Variants in VPS50 observed in about 807,000 individuals in gnomAD.
The protein encoded by VPS50 is syndetin.
In VPS50, 70 loss-of-function variants were observed where a neutral mutation model predicts 139.7. The ratio of observed to expected loss-of-function variants is 0.50; its 90% confidence interval spans 0.41 to 0.61. The LOEUF is 0.61. Among genes scored for constraint, VPS50 ranks in the 20% least tolerant of loss-of-function variants. VPS50 has a pLI of 0.00. For synonymous variants in VPS50, 365 were observed against 376.7 expected, an observed-to-expected ratio of 0.97 and a Z score of 0.36; for missense variants, 921 against 1,133.7, an observed-to-expected ratio of 0.81 and a Z score of 2.69.
At chr7:93,272,295 A>G (rs1341457560) in intron 10 of VPS50, among the ~76,000 whole-genome samples, 2 of 151,822 alleles carry the variant, frequency 1.3e-5, no homozygotes, top group Non-Finnish European at 1.5e-5. Context: ...AATTCAGTTT[A>G]TATAAGATTT....
intron 1 of VPS50, among the ~76,000 whole-genome samples, chr7:93,236,937 CTTTTTTTTTTTTTTTTT>C (rs71107889): frequency 6.4e-5 from 2 of 31,030 alleles, no homozygotes; most frequent in Middle Eastern, 0.042. Context: ...TCTTTTACTT[CTTTTTTTTTTTTTTTTT>C]TTTTTTTTTT....
chr7:93,353,698 T>TG lies in VPS50; in HGVS notation c.2523dup (p.Pro842AlafsTer4). 6.2e-7 allele frequency: 1 copy of TG among 1,612,780 alleles called. No homozygotes were observed. The highest frequency in any genetic ancestry group is 8.5e-7 in the Non-Finnish European group (1 of 1,178,954). ...GTTTCTAAGAGAGTTCGCATACCCT[T>TG]GCCTGTGTCTAATATACTTTGGGAA... is the stretch of plus-strand genomic sequence containing the variant. On this transcript the variant is annotated frameshift_variant, in exon 26 of 28. Coordinates refer to ENST00000305866, the MANE Select transcript of VPS50 (RefSeq NM_017667.4). LOFTEE classifies it high-confidence loss of function.
intron 9 of VPS50, among the ~76,000 whole-genome samples, chr7:93,268,767 CAT>C: frequency 6.6e-6 from 1 of 152,140 alleles, no homozygotes. Context: ...TTGCTATTCA[CAT>C]GTCTTTGCTA....
At chr7:93,316,372 T>TA (rs1219650498) in intron 20 of VPS50, among the ~76,000 whole-genome samples, 6 of 152,086 alleles carry the variant, frequency 3.9e-5, no homozygotes, top group South Asian at 2.1e-4. Context: ...TTGCTGTTTT[T>TA]AAAAAAAGTG....
chr7:93,328,369 G>A (rs997638957), intron 21 of VPS50, among the ~76,000 whole-genome samples: 26 of 152,250 alleles, frequency 1.7e-4, no homozygotes, highest in Non-Finnish European at 3.1e-4. Flanking sequence ...CAGTTTGTGA[G>A]CCTCATTTAA....
chr7:93,249,899 C>T (rs1248980239), intron 2 of VPS50, among the ~76,000 whole-genome samples: 1 of 152,110 alleles, frequency 6.6e-6, no homozygotes, highest in Non-Finnish European at 1.5e-5. Flanking sequence ...CCCTTCCACA[C>T]GTGTGAGTTT....
intron 2 of VPS50, among the ~76,000 whole-genome samples, chr7:93,247,779 G>A (rs1406292162): frequency 1.3e-5 from 2 of 151,968 alleles, no homozygotes; most frequent in Non-Finnish European, 2.9e-5. Flanking sequence ...TTTTTTAGGG[G>A]AAGATAAGGT....
intron 12 of VPS50, among the ~76,000 whole-genome samples, chr7:93,281,357 C>A (rs1170529801): frequency 3.3e-5 from 5 of 152,008 alleles, no homozygotes; most frequent in Non-Finnish European, 5.9e-5. Flanking sequence ...TAGTATAAAA[C>A]CCCAAAGACA....
intron 23 of VPS50, among the ~76,000 whole-genome samples, chr7:93,342,560 G>A (rs1021614528): frequency 1.3e-5 from 2 of 152,118 alleles, no homozygotes; most frequent in Non-Finnish European, 2.9e-5. Context: ...AGTAACCTCT[G>A]CAGACTTAAA....
chr7:93,351,559 G>T (rs1798560648), intron 25 of VPS50, among the ~76,000 whole-genome samples: 1 of 152,134 alleles, frequency 6.6e-6, no homozygotes. Context: ...TCTAGTGAAG[G>T]TTTGATTTCT....
Position 93,259,610 on chromosome 7 carries a change from T to C in VPS50, c.637T>C (p.Phe213Leu). The change falls in exon 9 of 28, where the codon TTT becomes CTT. Residue 213 changes from phenylalanine to leucine, a missense_variant. Physicochemically the swap from Phe to Leu is conservative, Grantham distance 22. This residue lies in a region of VPS50 where 744 missense variants were observed against 930.6 expected (regional missense o/e 0.80). Coordinates refer to ENST00000305866, the MANE Select transcript of VPS50 (RefSeq NM_017667.4). ...TGAATGTCAAAAAGCTGCCAGCACT[T>C]TTAAACATTACAGTTGTATAAGGTA... is the stretch of plus-strand genomic sequence containing the variant. Reference protein sequence around the residue: ...CLECQKAASTFKHYSCISELN... With the variant: ...CLECQKAASTLKHYSCISELN... 1 of 1,590,302 alleles carries C rather than the reference T, an allele frequency of 6.3e-7. No homozygotes were observed. Among genetic ancestry groups the C allele is most frequent in the Non-Finnish European group, 8.6e-7 (1 of 1,158,738 alleles).
intron 21 of VPS50, 125 bp downstream of exon 21, chr7:93,323,857 C>A: frequency 2.4e-6 from 1 of 410,690 alleles, no homozygotes; most frequent in Non-Finnish European, 4.1e-6. Context: ...GCATCAAAAA[C>A]AAAATTATTG....
chr7:93,242,359 A>T (rs1795018565), intron 2 of VPS50, among the ~76,000 whole-genome samples: 1 of 151,846 alleles, frequency 6.6e-6, no homozygotes, highest in South Asian at 2.1e-4. Flanking sequence ...TGAAATTGGC[A>T]GTTATTTTAC....
chr7:93,350,131 C>A, intron 25 of VPS50, 98 bp downstream of exon 25: 1 of 745,164 alleles, frequency 1.3e-6, no homozygotes. Context: ...ATAGTTATTA[C>A]CACATTTCTA....
At chr7:93,325,586 A>T (rs2117026447) in intron 21 of VPS50, among the ~76,000 whole-genome samples, 1 of 152,174 alleles carries the variant, frequency 6.6e-6, no homozygotes, top group African/African-American at 2.4e-5. Flanking sequence ...TCTACAATGA[A>T]CTCAAACAAG....
intron 26 of VPS50, among the ~76,000 whole-genome samples, chr7:93,353,988 C>T (rs1385384323): frequency 6.6e-6 from 1 of 152,102 alleles, no homozygotes; most frequent in African/African-American, 2.4e-5. Context: ...GTGAGGAATG[C>T]AGAATCTAAT....
At chr7:93,285,834 T>C (rs1285220736) in intron 12 of VPS50, among the ~76,000 whole-genome samples, 3 of 152,180 alleles carry the variant, frequency 2.0e-5, no homozygotes, top group African/African-American at 7.2e-5. Flanking sequence ...ATGTGAAGCA[T>C]AGTGGAAATG....
intron 12 of VPS50, among the ~76,000 whole-genome samples, chr7:93,278,870 G>A (rs1796241940): frequency 6.6e-6 from 1 of 151,904 alleles, no homozygotes. Context: ...ATTTTGAAGT[G>A]TAGTCATAGA....
At chr7:93,346,611 T>G (rs1485115150) in intron 23 of VPS50, among the ~76,000 whole-genome samples, 1 of 152,002 alleles carries the variant, frequency 6.6e-6, no homozygotes, top group African/African-American at 2.4e-5. Flanking sequence ...AGCATGGTAC[T>G]GGTACCAAAA....
Sources: gnomAD v4.1 joint callset for allele counts (sites outside exome capture counted in the v4.1 genomes callset) on GRCh38, gnomAD v4.1.1 for gene constraint, gnomAD v4.1.1 regional missense constraint, MANE v1.5 for transcripts, NCBI Gene and HGNC (gene_info 2026-07-23, HGNC 2026-07-21) for gene names.